DNM3: variants seen among roughly 807,000 people sequenced by gnomAD.
DNM3 encodes dynamin 3.
A neutral mutation model predicts 101.6 loss-of-function variants in DNM3; 47 were observed. That is an observed-to-expected ratio of 0.46 (90% CI 0.37 to 0.59). The LOEUF (loss-of-function observed/expected upper bound fraction) is 0.59. Among genes scored for constraint, DNM3 ranks in the 20% least tolerant of loss-of-function variants. The pLI is 0.00. For missense variants in DNM3, 849 were observed against 1,085.7 expected (o/e 0.78, Z 3.06); for synonymous variants, 385 against 387.9 (o/e 0.99, Z 0.09).
chr1:171,989,989 TCTA>T (rs2045528775), intron 4 of DNM3, among the ~76,000 whole-genome samples: 1 of 152,168 alleles, frequency 6.6e-6, no homozygotes, highest in Non-Finnish European at 1.5e-5. Context: ...GTCTTTTTGT[TCTA>T]CTTTCTGCAA....
chr1:172,214,722 G>C (rs1025059894), intron 14 of DNM3, among the ~76,000 whole-genome samples: 1 of 152,092 alleles, frequency 6.6e-6, no homozygotes, highest in Non-Finnish European at 1.5e-5. Flanking sequence ...ATGCATAGGA[G>C]TGTGGGTATA....
intron 1 of DNM3, among the ~76,000 whole-genome samples, chr1:171,874,929 G>A (rs2035623081): frequency 6.6e-6 from 1 of 151,876 alleles, no homozygotes; most frequent in African/African-American, 2.4e-5. Context: ...TATTTGGTTT[G>A]CTGTTCCTGT....
At chr1:171,955,880 C>T (rs868204923) in intron 2 of DNM3, among the ~76,000 whole-genome samples, 1 of 152,118 alleles carries the variant, frequency 6.6e-6, no homozygotes, top group Non-Finnish European at 1.5e-5. Context: ...TCATGTCTTA[C>T]GTGGCAGCAG....
At chr1:172,120,599 G>A (rs981332716) in intron 13 of DNM3, among the ~76,000 whole-genome samples, 3 of 152,142 alleles carry the variant, frequency 2.0e-5, no homozygotes, top group African/African-American at 7.2e-5. Context: ...GCTTTAGGTA[G>A]AGTGGCCACA....
intron 2 of DNM3, among the ~76,000 whole-genome samples, chr1:171,985,285 G>C (rs2045164629): frequency 6.6e-6 from 1 of 151,250 alleles, no homozygotes; most frequent in African/African-American, 2.4e-5. Context: ...TTTAATTTTT[G>C]CTTGTTTTCT....
intron 14 of DNM3, among the ~76,000 whole-genome samples, chr1:172,173,570 C>A (rs2059044501): frequency 6.6e-6 from 1 of 150,796 alleles, no homozygotes; most frequent in African/African-American, 2.4e-5. Context: ...ATCAAGCAAT[C>A]CTCCCACTAT....
intron 14 of DNM3, chr1:172,139,230 C>T (rs545943207): frequency 4.6e-6 from 1 of 217,572 alleles, no homozygotes; most frequent in African/African-American, 2.4e-5. Flanking sequence ...CAGAGTTCAG[C>T]GTAATTGAAC....
At position 172,152,067 on chromosome 1, in the gene DNM3, T is replaced by G. The variant is rs548146164; in HGVS notation, c.1659+20779T>G. 2.0e-5 allele frequency among the ~76,000 whole-genome samples: 3 copies of G among 152,092 alleles called. No individual in the cohort carries two copies. In the East Asian group the frequency reaches 5.8e-4, roughly 29 times the overall value. On this transcript the variant is annotated intron_variant, in intron 14 of 20. Transcript: ENST00000627582. ...TAATCTTAATTTTTTTATTTTTTTG[T>G]AGAGAAGAGACTCCCTGTGTTACCC...
At chr1:172,053,919 A>G (rs1206207145) in intron 10 of DNM3, among the ~76,000 whole-genome samples, 1 of 152,132 alleles carries the variant, frequency 6.6e-6, no homozygotes, top group Non-Finnish European at 1.5e-5. Context: ...CGTTTTGAAC[A>G]TGAGCCATAG....
At chr1:171,890,586 C>T (rs953457122) in intron 1 of DNM3, among the ~76,000 whole-genome samples, 8 of 152,082 alleles carry the variant, frequency 5.3e-5, no homozygotes, top group African/African-American at 1.9e-4. Flanking sequence ...AACTTATAAC[C>T]AACTTCCACT....
intron 15 of DNM3, among the ~76,000 whole-genome samples, chr1:172,271,136 G>A (rs941093623): frequency 6.6e-6 from 1 of 152,094 alleles, no homozygotes; most frequent in Admixed American, 6.6e-5. Context: ...TATGTGGACT[G>A]TGTGTGGATT....
At chr1:172,286,276 G>C (rs144666099) in intron 15 of DNM3, among the ~76,000 whole-genome samples, 2 of 152,182 alleles carry the variant, frequency 1.3e-5, no homozygotes, top group African/African-American at 4.8e-5. Context: ...CAGAAATGCT[G>C]AGTTTCAGCA....
chr1:172,272,057 C>T (rs149265753), intron 15 of DNM3, among the ~76,000 whole-genome samples: 1 of 152,028 alleles, frequency 6.6e-6, no homozygotes, highest in East Asian at 1.9e-4. Context: ...AAATATCTGC[C>T]AAAAACTGAA....
At chr1:172,033,333 T>C in intron 6 of DNM3, 68 bp downstream of exon 6, 1 of 1,446,842 alleles carries the variant, frequency 6.9e-7, no homozygotes, top group Non-Finnish European at 9.2e-7. Flanking sequence ...AATTCATATT[T>C]ATTATTTTTA....
intron 14 of DNM3, among the ~76,000 whole-genome samples, chr1:172,180,313 C>T (rs935168346): frequency 5.3e-5 from 8 of 152,066 alleles, no homozygotes; most frequent in African/African-American, 1.2e-4. Context: ...CAATTTCACT[C>T]GTTAGATCCT....
At chr1:172,009,451 T>A (rs1483969230) in intron 4 of DNM3, among the ~76,000 whole-genome samples, 1 of 151,554 alleles carries the variant, frequency 6.6e-6, no homozygotes, top group Non-Finnish European at 1.5e-5. Flanking sequence ...CTATCCAATA[T>A]TCTAGCCTTT....
chr1:172,247,984 T>TTTATTC (rs1178629645), intron 14 of DNM3, among the ~76,000 whole-genome samples: 1 of 152,198 alleles, frequency 6.6e-6, no homozygotes, highest in South Asian at 2.1e-4. Context: ...ATACCTGGCC[T>TTTATTC]TTATTCTTAT....
At chr1:172,095,051 C>T (rs1056053569) in intron 13 of DNM3, among the ~76,000 whole-genome samples, 1 of 152,172 alleles carries the variant, frequency 6.6e-6, no homozygotes, top group Non-Finnish European at 1.5e-5. Context: ...TTGCTGGATA[C>T]TTCAAAGCCC....
At chr1:172,229,147 G>A (rs1036507086) in intron 14 of DNM3, among the ~76,000 whole-genome samples, 3 of 152,068 alleles carry the variant, frequency 2.0e-5, no homozygotes, top group African/African-American at 7.2e-5. Context: ...ACACATCTGG[G>A]AAATCAATGA....
Sources: allele counts gnomAD v4.1 joint callset (sites outside exome capture counted in the v4.1 genomes callset), GRCh38; gene constraint gnomAD v4.1.1; transcripts MANE v1.5; gene names NCBI Gene and HGNC (gene_info 2026-07-23, HGNC 2026-07-21).